Variants in CFAP58 observed in about 807,000 individuals in gnomAD.
CFAP58 encodes cilia- and flagella-associated protein 58.
CFAP58 carries 88 observed loss-of-function variants against 119.5 expected under a neutral mutation model. The ratio of observed to expected loss-of-function variants is 0.74; its 90% CI spans 0.62 to 0.88. CFAP58 has a LOEUF of 0.88. CFAP58 is among the 40% of genes least tolerant of loss of function. The pLI is 0.00. For synonymous variants in CFAP58, 365 were observed against 366.3 expected, an observed-to-expected ratio of 1.00 and a Z score of 0.04; for missense variants, 990 against 1,021.2, an observed-to-expected ratio of 0.97 and a Z score of 0.42.
intron 9 of CFAP58, among the ~76,000 whole-genome samples, chr10:104,384,533 C>T (rs962887741): frequency 5.3e-5 from 8 of 152,174 alleles, no homozygotes; most frequent in Non-Finnish European, 8.8e-5. Context: ...AGAAGCCCCA[C>T]GGTAAAGGTC....
intron 1 of CFAP58, among the ~76,000 whole-genome samples, chr10:104,358,046 CACAT>C (rs1253908711): frequency 4.8e-5 from 7 of 146,820 alleles, no homozygotes; most frequent in Admixed American, 4.7e-4. Flanking sequence ...TACATATACA[CACAT>C]ATATGTACAT....
the CFAP58 span, among the ~76,000 whole-genome samples, chr10:104,341,052 C>G: frequency 1.3e-5 from 2 of 152,282 alleles, no homozygotes; most frequent in South Asian, 4.1e-4. Context: ...ATACTACCCA[C>G]GTGCTGAGGG....
intron 15 of CFAP58, among the ~76,000 whole-genome samples, chr10:104,420,141 T>A (rs1285692251): frequency 7.0e-6 from 1 of 142,264 alleles, no homozygotes; most frequent in African/African-American, 2.7e-5. Context: ...TTTTTTTTTT[T>A]ACGATTGTGT....
intron 15 of CFAP58, among the ~76,000 whole-genome samples, chr10:104,414,783 C>T (rs1372199758): frequency 1.3e-5 from 2 of 152,232 alleles, no homozygotes; most frequent in Non-Finnish European, 2.9e-5. Flanking sequence ...CATTCTCCTG[C>T]CTCAGCCTCC....
At position 104,400,833 on chromosome 10, in the gene CFAP58, C is replaced by G. The variant is rs780818965; in HGVS notation, c.1969C>G (p.Leu657Val). ...QRLEDMRILR[L>V]EIKKLRREKG... The stretch of plus-strand genomic sequence containing the variant: ...GTTGGAGGACATGAGAATCCTCAGA[C>G]TTGAGATCAAGAAGCTTCGCCGGGA... The change falls in exon 13 of 18, where the codon CTT (leucine) becomes GTT (valine). Residue 657 changes from leucine (L) to valine (V), a missense_variant. By Grantham distance (32) the Leu-to-Val change is conservative (BLOSUM62 1). Coordinates refer to ENST00000369704, the MANE Select transcript of CFAP58 (RefSeq NM_001008723.2). 4.3e-6 allele frequency: 7 copies of G among 1,614,038 alleles called. No individual in the cohort carries two copies. The Admixed American group carries it at 6.7e-5, about 15-fold the overall frequency.
chr10:104,431,099 G>A (rs576995591), intron 15 of CFAP58, among the ~76,000 whole-genome samples: 1 of 152,318 alleles, frequency 6.6e-6, no homozygotes, highest in Admixed American at 6.5e-5. Flanking sequence ...TGTATTTGAT[G>A]TAATCTGAAT....
At chr10:104,362,262 A>G (rs961212796) in intron 3 of CFAP58, 91 bp downstream of exon 3, 3 of 1,135,084 alleles carry the variant, frequency 2.6e-6, no homozygotes, top group Non-Finnish European at 3.7e-6. Flanking sequence ...GTCTTCTTGA[A>G]CATTGTCTGT....
chr10:104,400,781 T>G lies in CFAP58; in HGVS notation c.1917T>G (p.Asn639Lys). ...TCAAGATCCAACAGTCTGTGCTGAA[T>G]AAAGGGGAGAGCCAGTACAACCAGA... is the stretch of plus-strand genomic sequence containing the variant. The part of the protein sequence containing the change: ...EKIKIQQSVL[N>K]KGESQYNQRL... The change falls in exon 13 of 18, where the codon AAT becomes AAG. Residue 639 changes from asparagine to lysine, a missense_variant. By Grantham distance (94) the Asn-to-Lys change is moderately conservative. Coordinates refer to ENST00000369704, the MANE Select transcript of CFAP58 (RefSeq NM_001008723.2). 6.2e-7 allele frequency: 1 copy of G among 1,614,052 alleles called. No individual in the cohort carries two copies.
chr10:104,355,444 C>T (rs1437137010), intron 1 of CFAP58, among the ~76,000 whole-genome samples: 1 of 152,160 alleles, frequency 6.6e-6, no homozygotes, highest in African/African-American at 2.4e-5. Context: ...CTTTCTGTTA[C>T]TCCTCTCGTT....
intron 8 of CFAP58, 50 bp downstream of exon 8, chr10:104,376,943 G>A: frequency 7.1e-7 from 1 of 1,415,580 alleles, no homozygotes; most frequent in South Asian, 1.2e-5. Flanking sequence ...CTTCAGCACT[G>A]TAATATCTGG....
intron 1 of CFAP58, among the ~76,000 whole-genome samples, chr10:104,357,953 A>ACACACATATATG (rs1564876121): frequency 8.8e-6 from 1 of 113,008 alleles, no homozygotes; most frequent in South Asian, 2.4e-4. Flanking sequence ...GTACACATAT[A>ACACACATATATG]TACACATATA....
chr10:104,443,692 T>C (rs1388726945), intron 15 of CFAP58, among the ~76,000 whole-genome samples: 2 of 152,204 alleles, frequency 1.3e-5, no homozygotes, highest in African/African-American at 2.4e-5. Context: ...TATAAAACTG[T>C]AGCTTGGTGG....
At chr10:104,394,339 A>T (rs957789802) in intron 11 of CFAP58, among the ~76,000 whole-genome samples, 11 of 152,242 alleles carry the variant, frequency 7.2e-5, no homozygotes, top group Admixed American at 6.5e-4. Flanking sequence ...ATATGTGCAG[A>T]ATACTCATGG....
the CFAP58 span, among the ~76,000 whole-genome samples, chr10:104,348,041 T>C: frequency 6.6e-6 from 1 of 151,130 alleles, no homozygotes; most frequent in African/African-American, 2.5e-5. Flanking sequence ...CAAGGGAAAA[T>C]AATAGAACTG....
chr10:104,402,800 G>C (rs544080403), intron 13 of CFAP58, among the ~76,000 whole-genome samples: 6 of 152,142 alleles, frequency 3.9e-5, no homozygotes, highest in Non-Finnish European at 8.8e-5. Context: ...CTCTGAAGCC[G>C]GGGACCCATG....
intron 14 of CFAP58, among the ~76,000 whole-genome samples, chr10:104,406,021 C>G (rs2012352460): frequency 1.3e-5 from 2 of 152,120 alleles, no homozygotes; most frequent in Non-Finnish European, 1.5e-5. Context: ...GCTCGATCCC[C>G]CAGAGTTCAA....
Position 104,358,327 on chromosome 10 carries a change from C to T in CFAP58, c.10-14C>T. On this transcript the variant is annotated splice_polypyrimidine_tract_variant and intron_variant, in intron 1 of 17. Transcript: ENST00000369704. ...GTTGCATTGCCCTTTCCCATCCCTG[C>T]TTTTTTTCTATAGGAAAAGGGTGGA... The T allele has an allele frequency of 1.2e-6, 2 of 1,601,996 alleles. No individual in the cohort carries two copies. The highest frequency in any genetic ancestry group is 1.7e-6 in the Non-Finnish European group (2 of 1,173,392).
At position 104,358,575 on chromosome 10, in the gene CFAP58, C is replaced by T. The variant is rs1177543124; in HGVS notation, c.244C>T (p.Leu82Phe). The T allele has an allele frequency of 1.9e-6, 3 of 1,614,130 alleles. No homozygotes were observed. The highest frequency in any genetic ancestry group is 2.5e-6 in the Non-Finnish European group (3 of 1,180,020). ...VVNSAKVATA[L>F]KLSQDDQTTI... ...GAATTCTGCGAAGGTCGCCACTGCC[C>T]TTAAGCTCTCTCAGGATGATCAGAC... The change falls in exon 2 of 18, where the codon CTT becomes TTT. Residue 82 changes from leucine (L) to phenylalanine (F), a missense_variant. Physicochemically the swap from Leu to Phe is conservative, Grantham distance 22. Coordinates refer to ENST00000369704, the MANE Select transcript of CFAP58 (RefSeq NM_001008723.2).
At chr10:104,439,425 G>T (rs1387159118) in intron 15 of CFAP58, among the ~76,000 whole-genome samples, 1 of 152,068 alleles carries the variant, frequency 6.6e-6, no homozygotes, top group Non-Finnish European at 1.5e-5. Flanking sequence ...GGGGTTTACT[G>T]GTTATTTGTT....
Sources: gnomAD v4.1 joint callset for allele counts (sites outside exome capture counted in the v4.1 genomes callset) on GRCh38, gnomAD v4.1.1 for gene constraint, MANE v1.5 for transcripts, NCBI Gene and HGNC (gene_info 2026-07-23, HGNC 2026-07-21) for gene names.